SUGCT: variants seen among roughly 807,000 people sequenced by gnomAD.
SUGCT encodes succinyl-CoA:glutarate-CoA transferase.
SUGCT carries 41 observed loss-of-function variants against 55.0 expected under a neutral mutation model. That is an observed-to-expected ratio of 0.74 (90% CI 0.58 to 0.97). The LOEUF (loss-of-function observed/expected upper bound fraction) is 0.97, where lower values mean the gene tolerates loss of function less well. Among genes scored for constraint, SUGCT ranks in the 50% least tolerant of loss-of-function variants. SUGCT has a pLI of 0.00. For missense variants in SUGCT, 568 were observed against 547.8 expected (o/e 1.04, Z -0.37); for synonymous variants, 187 against 200.4 (o/e 0.93, Z 0.56).
intron 13 of SUGCT, among the ~76,000 whole-genome samples, chr7:40,756,430 T>A (rs954939432): frequency 2.0e-5 from 3 of 152,212 alleles, no homozygotes; most frequent in Admixed American, 6.5e-5. Context: ...AGCCTATACA[T>A]TAAATGGAGT....
the SUGCT span, among the ~76,000 whole-genome samples, chr7:40,932,909 A>T: frequency 6.6e-6 from 1 of 152,006 alleles, no homozygotes; most frequent in African/African-American, 2.4e-5. Flanking sequence ...GCGTCTTTTA[A>T]TTGGGGCATT....
chr7:40,460,287 A>C (rs1789720257), intron 11 of SUGCT, among the ~76,000 whole-genome samples: 1 of 152,182 alleles, frequency 6.6e-6, no homozygotes, highest in South Asian at 2.1e-4. Flanking sequence ...TCATATCAAT[A>C]GGGACTGTGT....
In SUGCT at chr7:40,135,012, A is replaced by G. The variant is rs760729591; in HGVS notation, c.-9A>G. 1.2e-5 allele frequency: 19 copies of G among 1,557,788 alleles called. No homozygotes were observed. The Admixed American group carries it at 3.6e-4, about 30-fold the overall frequency. On this transcript the variant is annotated 5_prime_UTR_variant, in exon 1 of 14. Transcript: ENST00000335693. ...TGCACCGGGACCGATGCCATCTGAG[A>G]CGCACGCGATGCTGGCGACGCTGGC...
At chr7:40,352,476 A>G (rs1281532975) in intron 9 of SUGCT, among the ~76,000 whole-genome samples, 7 of 151,982 alleles carry the variant, frequency 4.6e-5, no homozygotes. Context: ...CTCTACTCTC[A>G]AGTAGGCCCT....
At chr7:40,847,411 CTTTTTTTTTTTT>C (rs981613426) in intron 13 of SUGCT, among the ~76,000 whole-genome samples, 2 of 75,398 alleles carry the variant, frequency 2.7e-5, no homozygotes, top group Admixed American at 3.3e-4. Flanking sequence ...TTCTTTCTTT[CTTTTTTTTTTTT>C]TTTTTTTTTT....
At chr7:40,695,171 A>T (rs561759621) in intron 12 of SUGCT, among the ~76,000 whole-genome samples, 262 of 114,066 alleles carry the variant, frequency 2.3e-3, no homozygotes, top group South Asian at 0.012. Flanking sequence ...CCTTATTTTT[A>T]TTTATTTATT....
the SUGCT span, among the ~76,000 whole-genome samples, chr7:40,907,502 G>A: frequency 2.0e-5 from 3 of 152,182 alleles, no homozygotes; most frequent in Non-Finnish European, 4.4e-5. Context: ...GTGCCTAAAT[G>A]TAGTTAACAT....
the SUGCT span, among the ~76,000 whole-genome samples, chr7:41,026,019 A>G: frequency 6.6e-6 from 1 of 152,186 alleles, no homozygotes; most frequent in South Asian, 2.1e-4. Flanking sequence ...CAACATTCAC[A>G]TCGGGATTTC....
chr7:40,735,395 A>G (rs954759635), intron 12 of SUGCT, among the ~76,000 whole-genome samples: 3 of 152,218 alleles, frequency 2.0e-5, no homozygotes, highest in African/African-American at 7.2e-5. Context: ...AAGACTTCAA[A>G]TGTAGCTTAA....
At chr7:40,815,690 A>C (rs888824535) in intron 13 of SUGCT, among the ~76,000 whole-genome samples, 3 of 151,692 alleles carry the variant, frequency 2.0e-5, no homozygotes, top group Non-Finnish European at 4.4e-5. Context: ...TGCTGAACTA[A>C]ATGAGTGGGT....
chr7:40,701,386 G>A (rs1379681551), intron 12 of SUGCT, among the ~76,000 whole-genome samples: 3 of 152,198 alleles, frequency 2.0e-5, no homozygotes, highest in Non-Finnish European at 2.9e-5. Context: ...CCCTGTGGGC[G>A]TCAGCTTCGC....
chr7:40,613,687 C>T (rs949245755), intron 12 of SUGCT, among the ~76,000 whole-genome samples: 24 of 151,842 alleles, frequency 1.6e-4, no homozygotes, highest in Admixed American at 1.5e-3. Context: ...CTCAGCTCAC[C>T]GCAACCTCCG....
intron 9 of SUGCT, among the ~76,000 whole-genome samples, chr7:40,365,494 GATTGT>G (rs1403620786): frequency 2.0e-5 from 3 of 152,102 alleles, no homozygotes; most frequent in Non-Finnish European, 4.4e-5. Flanking sequence ...CAGATGACAT[GATTGT>G]ATATCTAGAA....
At position 40,329,775 on chromosome 7, in the gene SUGCT, G is replaced by A. The variant is rs1431390175; in HGVS notation, c.816+12920G>A. Among the ~76,000 whole-genome samples the A allele has an allele frequency of 3.3e-5, 5 of 152,034 alleles. No individual in the cohort carries two copies. In the South Asian group the frequency reaches 8.3e-4, roughly 25 times the overall value. On this transcript the variant is annotated intron_variant, in intron 9 of 13. Transcript: ENST00000335693. Reference sequence around the variant, plus strand: ...ATGTCACTCTTGTAACCTGGTAATGGGACAGGATTTTTCAATGGGGATTTG... The same window carrying A: ...ATGTCACTCTTGTAACCTGGTAATGAGACAGGATTTTTCAATGGGGATTTG...
intron 9 of SUGCT, among the ~76,000 whole-genome samples, chr7:40,399,174 A>T (rs914351615): frequency 2.6e-5 from 4 of 152,162 alleles, no homozygotes; most frequent in Non-Finnish European, 5.9e-5. Flanking sequence ...TTGTGGCAGG[A>T]TGGTATTTAT....
intron 11 of SUGCT, among the ~76,000 whole-genome samples, chr7:40,474,820 C>T (rs947622764): frequency 6.6e-6 from 1 of 152,126 alleles, no homozygotes; most frequent in African/African-American, 2.4e-5. Context: ...ATTTTTTCAT[C>T]TATAAATTGG....
intron 13 of SUGCT, among the ~76,000 whole-genome samples, chr7:40,813,418 A>G (rs1381924209): frequency 6.6e-6 from 1 of 151,960 alleles, no homozygotes; most frequent in Non-Finnish European, 1.5e-5. Context: ...TATATTTAGG[A>G]TAGTTAAATC....
the SUGCT span, among the ~76,000 whole-genome samples, chr7:41,004,851 G>A: frequency 6.6e-6 from 1 of 152,096 alleles, no homozygotes; most frequent in African/African-American, 2.4e-5. Context: ...ATTGAAACAA[G>A]TAACTGATCC....
chr7:40,383,002 G>A (rs557501674), intron 9 of SUGCT, among the ~76,000 whole-genome samples: 1 of 152,226 alleles, frequency 6.6e-6, no homozygotes, highest in South Asian at 2.1e-4. Context: ...TAATTAAATT[G>A]TCAGAAATAA....
Sources: gnomAD v4.1 joint callset for allele counts (sites outside exome capture counted in the v4.1 genomes callset) on GRCh38, gnomAD v4.1.1 for gene constraint, MANE v1.5 for transcripts, NCBI Gene and HGNC (gene_info 2026-07-23, HGNC 2026-07-21) for gene names.